CDH18: variants seen among roughly 807,000 people sequenced by gnomAD.
CDH18 encodes cadherin 18, also known as cadherin-18.
Under a neutral mutation model 67.9 loss-of-function variants are expected in CDH18, and 31 were observed. That is an observed-to-expected ratio of 0.46 (90% CI 0.34 to 0.62). The LOEUF (loss-of-function observed/expected upper bound fraction) is 0.62, where lower values mean the gene tolerates loss of function less well. Among genes scored for constraint, CDH18 ranks in the 20% least tolerant of loss-of-function variants. The pLI is 0.01. For missense variants in CDH18, 890 were observed against 975.5 expected (o/e 0.91, Z 1.17); for synonymous variants, 362 against 347.2 (o/e 1.04, Z -0.48).
At chr5:19,619,574 T>A (rs1372280740) in intron 5 of CDH18, among the ~76,000 whole-genome samples, 1 of 152,164 alleles carries the variant, frequency 6.6e-6, no homozygotes, top group East Asian at 1.9e-4. Context: ...CAGTGGAAAG[T>A]GTTAGTGAGA....
intron 2 of CDH18, among the ~76,000 whole-genome samples, chr5:20,083,783 T>C (rs1744700645): frequency 6.6e-6 from 1 of 152,162 alleles, no homozygotes; most frequent in South Asian, 2.1e-4. Context: ...CAAAGAGAGA[T>C]TGCTTGTGCA....
chr5:19,504,958 A>G (rs988374488), intron 10 of CDH18, among the ~76,000 whole-genome samples: 1 of 152,122 alleles, frequency 6.6e-6, no homozygotes, highest in African/African-American at 2.4e-5. Flanking sequence ...GTTAGTATAC[A>G]AATTATTTTA....
At chr5:19,506,988 T>A (rs1744294022) in intron 10 of CDH18, among the ~76,000 whole-genome samples, 2 of 151,976 alleles carry the variant, frequency 1.3e-5, no homozygotes, top group Non-Finnish European at 2.9e-5. Flanking sequence ...TGGGAGAAAA[T>A]TTTTGCAATC....
At chr5:19,829,198 G>A (rs1279974880) in intron 3 of CDH18, among the ~76,000 whole-genome samples, 3 of 152,096 alleles carry the variant, frequency 2.0e-5, no homozygotes, top group African/African-American at 7.2e-5. Context: ...TATAGTACTG[G>A]AAGTCCTGGC....
chr5:19,922,491 C>T (rs1561565342), intron 2 of CDH18, among the ~76,000 whole-genome samples: 1 of 152,138 alleles, frequency 6.6e-6, no homozygotes, highest in African/African-American at 2.4e-5. Context: ...TGCTATCATG[C>T]AGCTTAATAT....
At chr5:19,522,027 G>T (rs1746979725) in intron 9 of CDH18, among the ~76,000 whole-genome samples, 1 of 152,048 alleles carries the variant, frequency 6.6e-6, no homozygotes. Context: ...CCACTGAGTT[G>T]TTCTTGATAA....
At chr5:19,965,878 C>T (rs1036012548) in intron 2 of CDH18, among the ~76,000 whole-genome samples, 3 of 152,136 alleles carry the variant, frequency 2.0e-5, no homozygotes, top group African/African-American at 7.2e-5. Flanking sequence ...CAATAAACAG[C>T]TACCTCTCTC....
chr5:20,083,358 A>T (rs994003813), intron 2 of CDH18, among the ~76,000 whole-genome samples: 3 of 152,224 alleles, frequency 2.0e-5, no homozygotes, highest in African/African-American at 7.2e-5. Context: ...GTTGCCCTTC[A>T]CAGATGCTGT....
intron 3 of CDH18, among the ~76,000 whole-genome samples, chr5:19,826,240 C>A (rs1263798312): frequency 6.6e-6 from 1 of 151,670 alleles, no homozygotes; most frequent in Non-Finnish European, 1.5e-5. Context: ...GTAAAGAGAC[C>A]AAATCTATGA....
At chr5:20,565,018 T>A (rs549019931) in intron 1 of CDH18, among the ~76,000 whole-genome samples, 1 of 152,310 alleles carries the variant, frequency 6.6e-6, no homozygotes, top group East Asian at 1.9e-4. Context: ...AGCTAGTGAG[T>A]ACATTTTAAA....
chr5:20,453,012 C>T (rs1418322285), intron 1 of CDH18, among the ~76,000 whole-genome samples: 1 of 152,132 alleles, frequency 6.6e-6, no homozygotes, highest in African/African-American at 2.4e-5. Context: ...CTGATAACTC[C>T]ATTACCCCTA....
At chr5:20,130,075 G>GTTA (rs70954639) in intron 2 of CDH18, among the ~76,000 whole-genome samples, 1 of 143,600 alleles carries the variant, frequency 7.0e-6, no homozygotes, top group African/African-American at 2.5e-5. Flanking sequence ...TATTATTATT[G>GTTA]TTATTATTAT....
At chr5:20,247,853 G>C (rs967603236) in intron 2 of CDH18, among the ~76,000 whole-genome samples, 2 of 151,718 alleles carry the variant, frequency 1.3e-5, no homozygotes, top group African/African-American at 2.4e-5. Context: ...ATAATAGATA[G>C]TAGCTAAATA....
At chr5:19,891,158 T>C (rs931326295) in intron 2 of CDH18, among the ~76,000 whole-genome samples, 1 of 152,170 alleles carries the variant, frequency 6.6e-6, no homozygotes, top group Admixed American at 6.6e-5. Flanking sequence ...CTAAATGATA[T>C]AGTCTTCAAT....
chr5:20,336,894 A>G (rs1739820571), intron 1 of CDH18, among the ~76,000 whole-genome samples: 1 of 152,148 alleles, frequency 6.6e-6, no homozygotes, highest in Non-Finnish European at 1.5e-5. Context: ...TTGTGGTTTC[A>G]GATTCCCCAT....
At chr5:20,161,010 A>C (rs527769604) in intron 2 of CDH18, among the ~76,000 whole-genome samples, 41 of 152,382 alleles carry the variant, frequency 2.7e-4, no homozygotes, top group Admixed American at 2.6e-3. Context: ...GTTTGTTCAC[A>C]TACTGACTGT....
At chr5:20,566,423 G>A (rs1427920474) in intron 1 of CDH18, among the ~76,000 whole-genome samples, 13 of 144,728 alleles carry the variant, frequency 9.0e-5, no homozygotes, top group Admixed American at 3.5e-4. Context: ...GCAGTGGTGC[G>A]ATCTCGGCTC....
At chr5:20,552,104 T>C (rs1757663831) in intron 1 of CDH18, among the ~76,000 whole-genome samples, 1 of 151,950 alleles carries the variant, frequency 6.6e-6, no homozygotes, top group African/African-American at 2.4e-5. Flanking sequence ...TTGCCAAAGA[T>C]TTGCTAGCAA....
intron 2 of CDH18, among the ~76,000 whole-genome samples, chr5:19,840,308 G>A (rs1782157608): frequency 6.8e-6 from 1 of 147,646 alleles, no homozygotes; most frequent in Non-Finnish European, 1.5e-5. Flanking sequence ...AAAACAACAC[G>A]TTGAAGACAT....
Sources: gnomAD v4.1 joint callset for allele counts (sites outside exome capture counted in the v4.1 genomes callset) on GRCh38, gnomAD v4.1.1 for gene constraint, MANE v1.5 for transcripts, NCBI Gene and HGNC (gene_info 2026-07-23, HGNC 2026-07-21) for gene names.